Variants in CANT1 observed in about 807,000 individuals in gnomAD.
The protein encoded by CANT1 is calcium activated nucleotidase 1.
A neutral mutation model predicts 30.0 loss-of-function variants in CANT1; 26 were observed. The observed-to-expected ratio is 0.87, with a 90% confidence interval of 0.64 to 1.20. The LOEUF is 1.20. Ranked by LOEUF, CANT1 falls within the 50% of genes most tolerant of loss-of-function variation. The pLI, the probability that CANT1 is intolerant of heterozygous loss-of-function variation, is 0.00. For synonymous variants in CANT1, 246 were observed against 251.8 expected (o/e 0.98, Z 0.22); for missense variants, 518 against 563.0 (o/e 0.92, Z 0.81).
In CANT1 at chr17:78,996,989, T is replaced by G; in HGVS notation, c.631+3A>C. The G allele has an allele frequency of 6.2e-7, 1 of 1,613,996 alleles. No individual in the cohort carries two copies. The highest frequency in any genetic ancestry group is 8.5e-7 in the Non-Finnish European group (1 of 1,180,040). ...CCTCCATAAAACCTCAGGGTCCAGT[T>G]ACCTTTCTCCACGGTGCCGTCGCCG... On this transcript the variant is annotated splice_donor_region_variant and intron_variant, in intron 3 of 4. Coordinates refer to ENST00000392446, the MANE Select transcript of CANT1 (RefSeq NM_001159773.2). The surrounding 1 kb of genome is among the most constrained non-coding windows in gnomAD (Gnocchi z 5.1).
chr17:78,997,454 A>C lies in CANT1; in HGVS notation c.169T>G (p.Trp57Gly). Residue 57 changes from tryptophan to glycine, a missense_variant, in exon 3 of 5, where the codon TGG (tryptophan) becomes GGG (glycine). By Grantham distance (184) the Trp-to-Gly change is radical. This residue lies in a region of CANT1 where 249 missense variants were observed against 268.8 expected (regional missense o/e 0.93). Coordinates refer to ENST00000392446, the MANE Select transcript of CANT1 (RefSeq NM_001159773.2). This position sits in a 1 kb window ranked among gnomAD's most constrained non-coding sequence, Gnocchi z 7.5. ...GCCGGGCGGTGGGAGCAGAGCAGCC[A>C]GAGGATGGCAGCACCCACAAAGAAC... ...LTFFVGAAILWLLCSHRPAPG... is the reference protein window; with the variant it reads ...LTFFVGAAILGLLCSHRPAPG... 6.3e-7 allele frequency: 1 copy of C among 1,599,548 alleles called. No individual in the cohort carries two copies.
In CANT1 at chr17:78,997,227, G is replaced by A; in HGVS notation, c.396C>T (p.Gly132=). Reference sequence around the variant, plus strand: ...CCCCACTGTCTGACAGGGTCAGGTAGCCCTTTTTCAGGTAACTGAACCAGG... The same window carrying A: ...CCCCACTGTCTGACAGGGTCAGGTAACCCTTTTTCAGGTAACTGAACCAGG... The part of the protein sequence containing the change: ...ENTWFSYLKK[G]YLTLSDSGDK... Residue 132 remains glycine (G), a synonymous_variant, in exon 3 of 5, where the codon GGC becomes GGT. Coordinates refer to ENST00000392446, the MANE Select transcript of CANT1 (RefSeq NM_001159773.2). The surrounding 1 kb of genome is among the most constrained non-coding windows in gnomAD (Gnocchi z 7.5). The A allele has an allele frequency of 1.2e-6, 2 of 1,614,208 alleles. No homozygotes were observed. The highest frequency in any genetic ancestry group is 1.7e-6 in the Non-Finnish European group (2 of 1,180,048).
In CANT1 at chr17:79,003,000, G is replaced by T. The variant is rs938386845; in HGVS notation, c.-146-5037C>A. Among the ~76,000 whole-genome samples, 1 of 152,066 alleles carries T rather than the reference G, an allele frequency of 6.6e-6. No individual in the cohort carries two copies. Among genetic ancestry groups the T allele is most frequent in the South Asian group, 2.1e-4 (1 of 4,808 alleles). ...GAACCAGAGGTGTCTGAGTCCCGGC[G>T]TCTCTGCCCCTCTGGGGAATCAGTG... is the stretch of plus-strand genomic sequence containing the variant. On this transcript the variant is annotated intron_variant, in intron 1 of 4. Transcript: ENST00000392446. This position sits in a 1 kb window ranked among gnomAD's most constrained non-coding sequence, Gnocchi z 4.0.
rs979275051 is a variant in CANT1, at chr17:78,995,538, C to T, written c.632-317G>A. On this transcript the variant is annotated intron_variant, in intron 3 of 4. Coordinates refer to ENST00000392446, the MANE Select transcript of CANT1 (RefSeq NM_001159773.2). The surrounding 1 kb of genome is among the most constrained non-coding windows in gnomAD (Gnocchi z 5.7). ...AAAGTGACAGCACTCTGAAGGGGCA[C>T]GTGTGTCCCAGGGGAGTGCGGGTGC... Among the ~76,000 whole-genome samples, 1 of 152,222 alleles carries T rather than the reference C, an allele frequency of 6.6e-6. No individual in the cohort carries two copies. Among genetic ancestry groups the T allele is most frequent in the African/African-American group, 2.4e-5 (1 of 41,444 alleles).
intron 1 of CANT1, chr17:79,006,035 G>GT (rs1356201948): frequency 6.6e-6 from 1 of 152,258 alleles, no homozygotes; most frequent in African/African-American, 2.4e-5. Flanking sequence ...AGGGAGTCTG[G>GT]TTAGGCCATC....
chr17:78,996,296 G>A lies in CANT1; in HGVS notation c.631+696C>T, dbSNP rs149769466. On this transcript the variant is annotated intron_variant, in intron 3 of 4. Transcript: ENST00000392446. This position sits in a 1 kb window ranked among gnomAD's most constrained non-coding sequence, Gnocchi z 5.1. ...GCTTTCTAGAAGGTGGGGATCCACCGCCAGCTCAGACAAACGGAGCTCAGA... is the reference window on the plus strand; with the variant it reads ...GCTTTCTAGAAGGTGGGGATCCACCACCAGCTCAGACAAACGGAGCTCAGA... 2.6e-3 allele frequency among the ~76,000 whole-genome samples: 392 copies of A among 152,264 alleles called. No homozygotes were observed. Among genetic ancestry groups the A allele is most frequent in the Non-Finnish European group, 3.8e-3 (259 of 68,010 alleles).
At chr17:79,005,564 G>C (rs73399885) in intron 1 of CANT1, 1 of 152,006 alleles carries the variant, frequency 6.6e-6, no homozygotes, top group South Asian at 2.1e-4. Context: ...GATCCAGGCA[G>C]GGCAGGAAGC....
rs374948534 is a variant in CANT1, at chr17:79,000,712, T to G, written c.-146-2749A>C. ...ACACTGGCCCTGGCAGAGCCTGCAG[T>G]TCCCCCTGCCTGGAACAGTCGGGCC... On this transcript the variant is annotated intron_variant, in intron 1 of 4. Transcript: ENST00000392446. Among the ~76,000 whole-genome samples, 4 of 152,276 alleles carry G rather than the reference T, an allele frequency of 2.6e-5. No individual in the cohort carries two copies. The South Asian group carries it at 6.2e-4, about 24-fold the overall frequency.
intron 1 of CANT1, among the ~76,000 whole-genome samples, chr17:79,007,788 G>T (rs770911730): frequency 8.5e-5 from 13 of 152,190 alleles, no homozygotes; most frequent in African/African-American, 1.2e-4. Flanking sequence ...TTACTAAGCT[G>T]CCATGGGCTA....
chr17:78,995,292 G>T lies in CANT1; in HGVS notation c.632-71C>A. Reference sequence around the variant, plus strand: ...CACCCCTGCACCTGGCTCCCACCCGGCCCCGCACCTGTCCTTAGACCCCGC... The same window carrying T: ...CACCCCTGCACCTGGCTCCCACCCGTCCCCGCACCTGTCCTTAGACCCCGC... On this transcript the variant is annotated intron_variant, in intron 3 of 4. Coordinates refer to ENST00000392446, the MANE Select transcript of CANT1 (RefSeq NM_001159773.2). The surrounding 1 kb of genome is among the most constrained non-coding windows in gnomAD (Gnocchi z 5.7). The T allele has an allele frequency of 6.7e-7, 1 of 1,497,432 alleles. No individual in the cohort carries two copies. The highest frequency in any genetic ancestry group is 9.1e-7 in the Non-Finnish European group (1 of 1,096,276). 92.8% of individuals were successfully genotyped at this position (1,497,432 alleles called of 1,614,324 possible).
intron 1 of CANT1, among the ~76,000 whole-genome samples, chr17:78,999,676 A>G (rs2071181937): frequency 8.3e-6 from 1 of 120,378 alleles, no homozygotes; most frequent in Admixed American, 1.0e-4. Flanking sequence ...TTTTGGAGAC[A>G]GAGTTTTCCT....
chr17:78,993,845 T>G lies in CANT1; in HGVS notation c.911A>C (p.Gln304Pro). 6.2e-7 allele frequency: 1 copy of G among 1,602,104 alleles called. No homozygotes were observed. Among genetic ancestry groups the G allele is most frequent in the Non-Finnish European group, 8.5e-7 (1 of 1,176,034 alleles). The change falls in exon 5 of 5, where the codon CAG becomes CCG. Residue 304 changes from glutamine to proline, a missense_variant. Transcript: ENST00000392446. This position sits in a 1 kb window ranked among gnomAD's most constrained non-coding sequence, Gnocchi z 4.5. Reference protein sequence around the residue: ...RWFFLPRRASQERYSEKDDER... With the variant: ...RWFFLPRRASPERYSEKDDER... ...GTCGTCCTTCTCGCTGTAGCGCTCC[T>G]GGCTGGCGCGGCGCGGCAGGAAGAA... is the stretch of plus-strand genomic sequence containing the variant.
rs1158047213 is a variant in CANT1 at position 78,992,718 on chromosome 17, T to A, written c.*832A>T. On this transcript the variant is annotated 3_prime_UTR_variant, in exon 5 of 5. Transcript: ENST00000392446. Reference sequence around the variant, plus strand: ...GGCCAAGAACGCCGACATGTGAGACTTGCTTCACCAGCCGCCACCGCTTCC... The same window carrying A: ...GGCCAAGAACGCCGACATGTGAGACATGCTTCACCAGCCGCCACCGCTTCC... The A allele has an allele frequency of 3.3e-6, 2 of 597,054 alleles. No individual in the cohort carries two copies. Among genetic ancestry groups the A allele is most frequent in the African/African-American group, 3.6e-5 (2 of 55,724 alleles). The allele number at this position is 597,054 out of a possible 1,614,324, so 37.0% of individuals were successfully genotyped here. A position where few individuals can be genotyped will look rare whatever the true frequency, so the allele number is the denominator to read the frequency against.
At chr17:79,005,774 C>T (rs1430671208) in intron 1 of CANT1, among the ~76,000 whole-genome samples, 6 of 152,132 alleles carry the variant, frequency 3.9e-5, no homozygotes, top group Admixed American at 6.5e-5. Flanking sequence ...ACCCCACTGA[C>T]CTACAGACTC....
At chr17:79,005,129 AGGGGATTTAGGGAGG>A (rs2071486023) in intron 1 of CANT1, among the ~76,000 whole-genome samples, 4 of 34,486 alleles carry the variant, frequency 1.2e-4, no homozygotes, top group South Asian at 1.5e-3. Context: ...AGTTAGGGAG[AGGGGATTTAGGGAGG>A]GGGGAGTTAG....
chr17:78,994,844 C>T (rs1354708284), intron 4 of CANT1, among the ~76,000 whole-genome samples, 174 bp downstream of exon 4: 3 of 152,242 alleles, frequency 2.0e-5, no homozygotes, highest in African/African-American at 7.2e-5. Flanking sequence ...CGTTTGAACC[C>T]AGGAGGTGGA....
In CANT1 at chr17:78,996,771, A is replaced by C. The variant is rs577933450; in HGVS notation, c.631+221T>G. Among the ~76,000 whole-genome samples the C allele has an allele frequency of 6.6e-6, 1 of 152,268 alleles. No individual in the cohort carries two copies. The highest frequency in any genetic ancestry group is 2.4e-5 in the African/African-American group (1 of 41,548). On this transcript the variant is annotated intron_variant, in intron 3 of 4. Coordinates refer to ENST00000392446, the MANE Select transcript of CANT1 (RefSeq NM_001159773.2). This position sits in a 1 kb window ranked among gnomAD's most constrained non-coding sequence, Gnocchi z 5.1. ...CGTCTCCCACAGGCCTCTAGCGATAAGCTCTTCCTCCTAGAAACTGCTCAG... is the reference window on the plus strand; with the variant it reads ...CGTCTCCCACAGGCCTCTAGCGATACGCTCTTCCTCCTAGAAACTGCTCAG...
At chr17:78,994,574 G>A (rs1297878492) in intron 4 of CANT1, among the ~76,000 whole-genome samples, 1 of 152,224 alleles carries the variant, frequency 6.6e-6, no homozygotes, top group Non-Finnish European at 1.5e-5. Context: ...ACTGGCCTGA[G>A]GGAAGCCACC....
In CANT1 at chr17:78,993,528, T is replaced by C. The variant is rs2145834436; in HGVS notation, c.*22A>G. 1 of 1,614,178 alleles carries C rather than the reference T, an allele frequency of 6.2e-7. No homozygotes were observed. The highest frequency in any genetic ancestry group is 1.3e-5 in the African/African-American group (1 of 75,062). The stretch of plus-strand genomic sequence containing the variant: ...TATAAAAGCTGAGTCCTGATGGCCT[T>C]GCTCAGTGTTTCCGTTTTGAGTTAA... On this transcript the variant is annotated 3_prime_UTR_variant, in exon 5 of 5. Coordinates refer to ENST00000392446, the MANE Select transcript of CANT1 (RefSeq NM_001159773.2). The surrounding 1 kb of genome is among the most constrained non-coding windows in gnomAD (Gnocchi z 4.5).
Sources: allele counts gnomAD v4.1 joint callset (sites outside exome capture counted in the v4.1 genomes callset), GRCh38; gene constraint gnomAD v4.1.1; regional missense constraint gnomAD v4.1.1; non-coding constraint Gnocchi (gnomAD v3.1); transcripts MANE v1.5; gene names NCBI Gene and HGNC (gene_info 2026-07-23, HGNC 2026-07-21).